RAB11FIP5: variants seen among roughly 807,000 people sequenced by gnomAD.
The protein encoded by RAB11FIP5 is rab11 family-interacting protein 5.
A neutral mutation model predicts 85.1 loss-of-function variants in RAB11FIP5; 48 were observed. The observed-to-expected ratio is 0.56, with a 90% CI of 0.45 to 0.72. The LOEUF is 0.72. Ranked by LOEUF, RAB11FIP5 falls within the 30% of genes least tolerant of loss-of-function variation. RAB11FIP5 has a pLI of 0.00. For synonymous variants in RAB11FIP5, 729 were observed against 727.3 expected, an observed-to-expected ratio of 1.00 and a Z score of -0.04; for missense variants, 1,491 against 1,687.0, an observed-to-expected ratio of 0.88 and a Z score of 2.04.
chr2:73,105,537 C>T (rs531950186), intron 1 of RAB11FIP5, among the ~76,000 whole-genome samples: 74 of 152,108 alleles, frequency 4.9e-4, no homozygotes, highest in Non-Finnish European at 8.5e-4. Flanking sequence ...GCCACCACAC[C>T]CAGCCCTCAC....
intron 1 of RAB11FIP5, among the ~76,000 whole-genome samples, chr2:73,103,124 A>G (rs1684461039): frequency 6.6e-6 from 1 of 152,032 alleles, no homozygotes; most frequent in African/African-American, 2.4e-5. Flanking sequence ...CGCCTACCCC[A>G]TCTTTTGATT....
chr2:73,089,831 A>G lies in RAB11FIP5; in HGVS notation c.432-516T>C, dbSNP rs951297293. 6.6e-6 allele frequency among the ~76,000 whole-genome samples: 1 copy of G among 151,760 alleles called. No homozygotes were observed. Among genetic ancestry groups the G allele is most frequent in the Non-Finnish European group, 1.5e-5 (1 of 67,918 alleles). Reference sequence around the variant, plus strand: ...GCCCAGGAAAGAACAGCTCACCCAGAGGCCCAGGGCCAGGAACACAGGAAT... The same window carrying G: ...GCCCAGGAAAGAACAGCTCACCCAGGGGCCCAGGGCCAGGAACACAGGAAT... On this transcript the variant is annotated intron_variant, in intron 1 of 5. Transcript: ENST00000486777. This position sits in a 1 kb window ranked among gnomAD's most constrained non-coding sequence, Gnocchi z 4.6.
At chr2:73,097,512 C>T (rs1250753475) in intron 1 of RAB11FIP5, among the ~76,000 whole-genome samples, 1 of 152,238 alleles carries the variant, frequency 6.6e-6, no homozygotes, top group Admixed American at 6.5e-5. Context: ...TCTGTACCCC[C>T]AACACTTAAC....
chr2:73,104,475 G>A (rs1294886986), intron 1 of RAB11FIP5, among the ~76,000 whole-genome samples: 4 of 152,188 alleles, frequency 2.6e-5, no homozygotes, highest in Admixed American at 2.6e-4. Flanking sequence ...GGCTGAGGCA[G>A]GAGAATCACT....
chr2:73,112,403 G>A lies in RAB11FIP5; in HGVS notation c.375C>T (p.Gly125=), dbSNP rs1684679556. The A allele has an allele frequency of 5.0e-6, 8 of 1,601,444 alleles. No individual in the cohort carries two copies. Among genetic ancestry groups the A allele is most frequent in the Non-Finnish European group, 6.8e-6 (8 of 1,176,688 alleles). The change falls in exon 1 of 6, where the codon GGC becomes GGT. Residue 125 remains glycine (G), a synonymous_variant. Coordinates refer to ENST00000486777, the MANE Select transcript of RAB11FIP5 (RefSeq NM_001371272.1). ...RSLIGVDKFL[G]QATVALDEVF... ...CCTCGTCCAGCGCCACCGTGGCCTG[G>A]CCCAGGAACTTGTCGACGCCGATGA...
rs1683803819 is a variant in RAB11FIP5, at chr2:73,074,277, C to G, written c.*1244G>C. ...CATAGTGGGACCTCCCTCTTCCAGGCAAGCTGACTGGTCTAGTATGGCTAA... is the reference window on the plus strand; with the variant it reads ...CATAGTGGGACCTCCCTCTTCCAGGGAAGCTGACTGGTCTAGTATGGCTAA... On this transcript the variant is annotated 3_prime_UTR_variant, in exon 6 of 6. Coordinates refer to ENST00000486777, the MANE Select transcript of RAB11FIP5 (RefSeq NM_001371272.1). The G allele has an allele frequency of 6.6e-6, 1 of 152,244 alleles. No homozygotes were observed. The highest frequency in any genetic ancestry group is 2.4e-5 in the African/African-American group (1 of 41,444). 9.4% of individuals were successfully genotyped at this position (152,244 alleles called of 1,614,324 possible). A position where few individuals can be genotyped will look rare whatever the true frequency, so the allele number is the denominator to read the frequency against.
chr2:73,081,613 T>G lies in RAB11FIP5; in HGVS notation c.1619A>C (p.His540Pro), dbSNP rs1574294171. The G allele has an allele frequency of 8.2e-7, 1 of 1,220,782 alleles. No homozygotes were observed. Among genetic ancestry groups the G allele is most frequent in the African/African-American group, 1.6e-5 (1 of 63,370 alleles). The allele number at this position is 1,220,782 out of a possible 1,614,324, so 75.6% of individuals were successfully genotyped here. The change falls in exon 4 of 6, where the codon CAC (histidine) becomes CCC (proline). Residue 540 changes from histidine to proline, a missense_variant. Around this residue, in one of 3 missense-constraint regions of RAB11FIP5, gnomAD observed 1,211 missense variants for 1,338.0 expected, o/e 0.91. Transcript: ENST00000486777. This position sits in a 1 kb window ranked among gnomAD's most constrained non-coding sequence, Gnocchi z 4.2. ...CGGAGCCCAGGGGGAGCAGGGGAGG[T>G]GGTGAGGAAGAGCAGCTGGGTCAGA... ...VESDPAALPH[H>P]LPCSPWAPAP...
At chr2:73,096,509 C>A (rs1684322881) in intron 1 of RAB11FIP5, among the ~76,000 whole-genome samples, 1 of 152,146 alleles carries the variant, frequency 6.6e-6, no homozygotes, top group Non-Finnish European at 1.5e-5. Context: ...AATAACAATG[C>A]CCCTTTCTGA....
At position 73,089,390 on chromosome 2, in the gene RAB11FIP5, G is replaced by A. The variant is rs1684163812; in HGVS notation, c.432-75C>T. 1.4e-6 allele frequency: 2 copies of A among 1,455,848 alleles called. No individual in the cohort carries two copies. The highest frequency in any genetic ancestry group is 1.9e-6 in the Non-Finnish European group (2 of 1,046,918). The allele number at this position is 1,455,848 out of a possible 1,614,324, so 90.2% of individuals were successfully genotyped here. A position where few individuals can be genotyped will look rare whatever the true frequency, so the allele number is the denominator to read the frequency against. On this transcript the variant is annotated intron_variant, in intron 1 of 5. Transcript: ENST00000486777. The surrounding 1 kb of genome is among the most constrained non-coding windows in gnomAD (Gnocchi z 4.6). ...TGGCTCCCGCCCGGTACCAGGCACT[G>A]CCCAGACCCCTCCTTGCTCTGAGAG...
chr2:73,099,026 C>CT (rs200166582), intron 1 of RAB11FIP5, among the ~76,000 whole-genome samples: 107 of 137,222 alleles, frequency 7.8e-4, no homozygotes, highest in Non-Finnish European at 1.0e-3. Flanking sequence ...TTAGTAAATG[C>CT]TTTTTTGTTT....
chr2:73,109,441 A>G (rs1450970797), intron 1 of RAB11FIP5, among the ~76,000 whole-genome samples: 1 of 152,230 alleles, frequency 6.6e-6, no homozygotes, highest in Non-Finnish European at 1.5e-5. Context: ...GTACAACTCT[A>G]TGATTATTAT....
chr2:73,088,771 T>C (rs926983524), intron 2 of RAB11FIP5, 22 bp from the exon 3 acceptor site: 1 of 1,558,468 alleles, frequency 6.4e-7, no homozygotes, highest in Admixed American at 1.9e-5. Context: ...ACACACAGAG[T>C]TAGCTCGCAG....
chr2:73,088,997 G>A lies in RAB11FIP5; in HGVS notation c.750C>T (p.Thr250=), dbSNP rs371020386. ...LRKSSLTQSN[T]SLGSDSTLSS... is the part of the protein sequence containing the mutation. ...ACAGGGTGCTGTCCGAGCCCAGCGAGGTGTTGGACTGGGTCAGGGACGACT... is the reference window on the plus strand; with the variant it reads ...ACAGGGTGCTGTCCGAGCCCAGCGAAGTGTTGGACTGGGTCAGGGACGACT... Residue 250 remains threonine, a synonymous_variant, in exon 2 of 6, where the codon ACC becomes ACT. Transcript: ENST00000486777. 1.1e-5 allele frequency: 17 copies of A among 1,614,234 alleles called. No individual in the cohort carries two copies. In the East Asian group the frequency reaches 1.3e-4, roughly 13 times the overall value.
Position 73,088,563 on chromosome 2 carries a change from A to C in RAB11FIP5, c.1055T>G (p.Val352Gly), listed in dbSNP as rs1684140450. Reference protein sequence around the residue: ...HIYNEEPQGPVRHRSSISGSL... With the variant: ...HIYNEEPQGPGRHRSSISGSL... ...GCCCGAGATGGAGCTGCGGTGCCGC[A>C]CAGGGCCCTGGGGCTCCTCATTGTA... Residue 352 changes from valine to glycine, a missense_variant, in exon 3 of 6, where the codon GTG (valine) becomes GGG (glycine). Coordinates refer to ENST00000486777, the MANE Select transcript of RAB11FIP5 (RefSeq NM_001371272.1). 1 of 1,613,784 alleles carries C rather than the reference A, an allele frequency of 6.2e-7. No homozygotes were observed. Among genetic ancestry groups the C allele is most frequent in the African/African-American group, 1.3e-5 (1 of 74,958 alleles).
Position 73,081,214 on chromosome 2 carries a change from C to T in RAB11FIP5, c.2018G>A (p.Gly673Glu), listed in dbSNP as rs576109667. 1 of 1,232,374 alleles carries T rather than the reference C, an allele frequency of 8.1e-7. No homozygotes were observed. The highest frequency in any genetic ancestry group is 3.2e-5 in the East Asian group (1 of 31,686). The allele number at this position is 1,232,374 out of a possible 1,614,324, so 76.3% of individuals were successfully genotyped here. ...EARSEILAPA[G>E]VGLEAAGLQD... is the part of the protein sequence containing the mutation. ...CAGCCCTGCCGCCTCCAGCCCCACT[C>T]CTGCAGGGGCCAGGATCTCGCTCCT... The change falls in exon 4 of 6, where the codon GGA becomes GAA. Residue 673 changes from glycine to glutamate, a missense_variant. Physicochemically the swap from Gly to Glu is moderately conservative, Grantham distance 98. Around this residue, in one of 3 missense-constraint regions of RAB11FIP5, gnomAD observed 1,211 missense variants for 1,338.0 expected, o/e 0.91. Transcript: ENST00000486777. This position sits in a 1 kb window ranked among gnomAD's most constrained non-coding sequence, Gnocchi z 4.2.
At position 73,075,421 on chromosome 2, in the gene RAB11FIP5, A is replaced by C. The variant is rs779463930; in HGVS notation, c.*100T>G. The C allele has an allele frequency of 8.1e-7, 1 of 1,230,446 alleles. No individual in the cohort carries two copies. Among genetic ancestry groups the C allele is most frequent in the South Asian group, 1.2e-5 (1 of 83,290 alleles). 76.2% of individuals were successfully genotyped at this position (1,230,446 alleles called of 1,614,324 possible). ...GGAGAGGAGCAAGGAGTGACAAGGC[A>C]AGACAGACGATGCCCCACTGCAGAT... On this transcript the variant is annotated 3_prime_UTR_variant, in exon 6 of 6. Transcript: ENST00000486777. This position sits in a 1 kb window ranked among gnomAD's most constrained non-coding sequence, Gnocchi z 4.6.
chr2:73,080,980 G>T lies in RAB11FIP5; in HGVS notation c.2252C>A (p.Pro751His). The T allele has an allele frequency of 8.1e-7, 1 of 1,232,316 alleles. No individual in the cohort carries two copies. The highest frequency in any genetic ancestry group is 1.0e-6 in the Non-Finnish European group (1 of 988,086). The allele number at this position is 1,232,316 out of a possible 1,614,324, so 76.3% of individuals were successfully genotyped here. The stretch of plus-strand genomic sequence containing the variant: ...CAGCTGTAGCTGGGCTGACGAGGAG[G>T]GCAGGCCAGCCCCTACCGACCCGAG... ...GLLGSVGAGL[P>H]SSSAQLQLRA... The change falls in exon 4 of 6, where the codon CCC (proline) becomes CAC (histidine). Residue 751 changes from proline (P) to histidine (H), a missense_variant. Coordinates refer to ENST00000486777, the MANE Select transcript of RAB11FIP5 (RefSeq NM_001371272.1).
intron 1 of RAB11FIP5, among the ~76,000 whole-genome samples, chr2:73,093,517 AGCTGT>A (rs1451574742): frequency 5.9e-5 from 9 of 152,126 alleles, no homozygotes; most frequent in African/African-American, 1.9e-4. Flanking sequence ...CACAGTCTGG[AGCTGT>A]TACAACCCTG....
chr2:73,112,225 T>A (rs1684671957), intron 1 of RAB11FIP5, 122 bp downstream of exon 1: 1 of 1,161,110 alleles, frequency 8.6e-7, no homozygotes, highest in Admixed American at 3.7e-5. Flanking sequence ...TTCTGTCGGT[T>A]TACGCCCTTA....
Sources: gnomAD v4.1 joint callset for allele counts (sites outside exome capture counted in the v4.1 genomes callset) on GRCh38, gnomAD v4.1.1 for gene constraint, gnomAD v4.1.1 regional missense constraint, Gnocchi (gnomAD v3.1) non-coding constraint, MANE v1.5 for transcripts, NCBI Gene and HGNC (gene_info 2026-07-23, HGNC 2026-07-21) for gene names.